Variants in SYTL3 observed in about 807,000 individuals in gnomAD.
SYTL3 encodes synaptotagmin like 3.
SYTL3 carries 88 observed loss-of-function variants against 82.1 expected under a neutral mutation model. The observed-to-expected ratio is 1.07, with a 90% confidence interval of 0.90 to 1.28. SYTL3 has a LOEUF of 1.28. Ranked by LOEUF, SYTL3 falls within the 50% of genes most tolerant of loss-of-function variation. SYTL3 has a pLI of 0.00. For missense variants in SYTL3, 831 were observed against 757.6 expected (o/e 1.10, Z -1.14); for synonymous variants, 311 against 289.4 (o/e 1.07, Z -0.76).
At chr6:158,694,120 G>A (rs1384913974) in intron 6 of SYTL3, among the ~76,000 whole-genome samples, 1 of 151,972 alleles carries the variant, frequency 6.6e-6, no homozygotes, top group African/African-American at 2.4e-5. Context: ...CCAGCAGATT[G>A]GATTGCTTTT....
rs527570577 is a variant in SYTL3 at position 158,743,267 on chromosome 6, G to A, written c.856-2213G>A. 3.2e-4 allele frequency among the ~76,000 whole-genome samples: 49 copies of A among 152,276 alleles called. No homozygotes were observed. In the East Asian group the frequency reaches 8.1e-3, roughly 25 times the overall value. On this transcript the variant is annotated intron_variant, in intron 11 of 17. Transcript: ENST00000611299. Reference sequence around the variant, plus strand: ...ATGCCTTGAAGTGAAAGGCAGCTCCGGATGTCAGGCTTACTTCCATGTGCT... The same window carrying A: ...ATGCCTTGAAGTGAAAGGCAGCTCCAGATGTCAGGCTTACTTCCATGTGCT...
At chr6:158,759,038 A>G (rs1325679810) in intron 14 of SYTL3, among the ~76,000 whole-genome samples, 1 of 151,440 alleles carries the variant, frequency 6.6e-6, no homozygotes, top group Non-Finnish European at 1.5e-5. Context: ...TCCAGCCTGA[A>G]CTCCTTCTGT....
chr6:158,656,142 C>G (rs984493076), intron 2 of SYTL3, among the ~76,000 whole-genome samples: 2 of 152,256 alleles, frequency 1.3e-5, no homozygotes, highest in South Asian at 2.1e-4. Flanking sequence ...GACACATTCC[C>G]ACCTCAGTAT....
chr6:158,678,129 G>C (rs374270176), intron 5 of SYTL3, among the ~76,000 whole-genome samples: 10 of 152,176 alleles, frequency 6.6e-5, no homozygotes, highest in Admixed American at 3.9e-4. Flanking sequence ...CTCTCGCCTC[G>C]GCCTCCGAAA....
intron 12 of SYTL3, among the ~76,000 whole-genome samples, chr6:158,748,073 G>GTTTTTTTTTTTTTT (rs769328691): frequency 8.1e-6 from 1 of 122,942 alleles, no homozygotes; most frequent in African/African-American, 3.5e-5. Flanking sequence ...TCTTCTTATC[G>GTTTTTTTTTTTTTT]TTTTTTTTTT....
At chr6:158,647,336 G>T (rs1787544762), upstream of SYTL3, among the ~76,000 whole-genome samples, 1 of 152,238 alleles carries the variant, frequency 6.6e-6, no homozygotes, top group Admixed American at 6.5e-5. Flanking sequence ...TTTTGAGGCT[G>T]CCAGTAAACG....
chr6:158,761,508 C>T (rs1027587002), intron 15 of SYTL3, among the ~76,000 whole-genome samples: 3 of 151,862 alleles, frequency 2.0e-5, no homozygotes, highest in Non-Finnish European at 4.4e-5. Flanking sequence ...CAGGGTTTCA[C>T]CATGTTAGCC....
At chr6:158,688,501 G>A (rs1049324647) in intron 6 of SYTL3, among the ~76,000 whole-genome samples, 49 of 152,296 alleles carry the variant, frequency 3.2e-4, no homozygotes, top group African/African-American at 1.2e-3. Flanking sequence ...AGTGGCTCAT[G>A]CCTGTAATCC....
intron 11 of SYTL3, among the ~76,000 whole-genome samples, chr6:158,733,569 C>T (rs958626667): frequency 4.0e-5 from 6 of 151,728 alleles, no homozygotes; most frequent in Non-Finnish European, 7.4e-5. Flanking sequence ...CCTCGTGATC[C>T]GCCCTCCTCG....
chr6:158,738,270 C>T (rs1306443738), intron 11 of SYTL3, among the ~76,000 whole-genome samples: 3 of 152,178 alleles, frequency 2.0e-5, no homozygotes, highest in Non-Finnish European at 4.4e-5. Context: ...CCACAACAAA[C>T]ATTTCACACC....
rs1782219889 is a variant in SYTL3, at chr6:158,707,376, G to A, written c.446+95G>A. The A allele has an allele frequency of 5.1e-6, 5 of 974,672 alleles. No individual in the cohort carries two copies. The Admixed American group carries it at 1.1e-4, about 22-fold the overall frequency. 60.4% of individuals were successfully genotyped at this position (974,672 alleles called of 1,614,324 possible). A position where few individuals can be genotyped will look rare whatever the true frequency, so the allele number is the denominator to read the frequency against. ...CTTATAGGTCTCTTGACTTTCACAT[G>A]TCACTGCTTTGGAATGTGACTCTTT... On this transcript the variant is annotated intron_variant, in intron 7 of 17. Coordinates refer to ENST00000611299, the MANE Select transcript of SYTL3 (RefSeq NM_001242394.2).
chr6:158,653,729 T>C (rs2128347471), intron 2 of SYTL3, among the ~76,000 whole-genome samples: 1 of 152,270 alleles, frequency 6.6e-6, no homozygotes, highest in East Asian at 1.9e-4. Context: ...GCTTGTGGGC[T>C]TTGAGAACGT....
chr6:158,738,184 G>A (rs1429240677), intron 11 of SYTL3, among the ~76,000 whole-genome samples: 1 of 152,150 alleles, frequency 6.6e-6, no homozygotes, highest in Non-Finnish European at 1.5e-5. Flanking sequence ...GCCCTGTTGT[G>A]TTCCCAGGTC....
At chr6:158,676,316 A>G (rs1163967379) in intron 5 of SYTL3, among the ~76,000 whole-genome samples, 1 of 152,152 alleles carries the variant, frequency 6.6e-6, no homozygotes, top group African/African-American at 2.4e-5. Flanking sequence ...AGGATTCCCT[A>G]TTTAATAAAT....
upstream of SYTL3, among the ~76,000 whole-genome samples, chr6:158,645,238 A>C (rs1787361264): frequency 6.6e-6 from 1 of 152,108 alleles, no homozygotes; most frequent in Non-Finnish European, 1.5e-5. Flanking sequence ...TTTCCAGGTA[A>C]ATGAGAATTT....
intron 9 of SYTL3, among the ~76,000 whole-genome samples, chr6:158,717,460 A>C (rs9364989): frequency 6.6e-6 from 1 of 152,108 alleles, no homozygotes; most frequent in Non-Finnish European, 1.5e-5. Context: ...AAATGAAACC[A>C]TCTTCAGAGG....
At chr6:158,706,330 C>T (rs1782089135) in intron 6 of SYTL3, among the ~76,000 whole-genome samples, 1 of 152,202 alleles carries the variant, frequency 6.6e-6, no homozygotes, top group African/African-American at 2.4e-5. Flanking sequence ...GAGAGCTTAA[C>T]ATCACATGCT....
At chr6:158,657,192 G>A (rs760272254) in intron 2 of SYTL3, among the ~76,000 whole-genome samples, 1 of 152,100 alleles carries the variant, frequency 6.6e-6, no homozygotes, top group African/African-American at 2.4e-5. Context: ...TTGGGAGGCC[G>A]AGGCGGACAG....
chr6:158,707,243 A>G lies in SYTL3; in HGVS notation c.408A>G (p.Thr136=). The change falls in exon 7 of 18, where the codon ACA becomes ACG. Residue 136 remains threonine (T), a synonymous_variant. Coordinates refer to ENST00000611299, the MANE Select transcript of SYTL3 (RefSeq NM_001242394.2). The part of the protein sequence containing the change: ...KKFPTGGKHE[T]VGGQLLQSYQ... ...TATCTCTCGCAGGCAAACATGAGAC[A>G]GTTGGAGGGCAGCTCTTGCAATCTT... 6.2e-7 allele frequency: 1 copy of G among 1,614,006 alleles called. No homozygotes were observed. Among genetic ancestry groups the G allele is most frequent in the Non-Finnish European group, 8.5e-7 (1 of 1,180,044 alleles).
Sources: gnomAD v4.1 joint callset for allele counts (sites outside exome capture counted in the v4.1 genomes callset) on GRCh38, gnomAD v4.1.1 for gene constraint, MANE v1.5 for transcripts, NCBI Gene and HGNC (gene_info 2026-07-23, HGNC 2026-07-21) for gene names.